SLC23A2: variants seen among roughly 807,000 people sequenced by gnomAD.
SLC23A2 encodes solute carrier family 23 member 2, also known as Na(+)/L-ascorbic acid transporter 2.
A neutral mutation model predicts 73.3 loss-of-function variants in SLC23A2; 36 were observed. The ratio of observed to expected loss-of-function variants is 0.49; its 90% CI spans 0.38 to 0.65. SLC23A2 has a LOEUF of 0.65. Among genes scored for constraint, SLC23A2 ranks in the 30% least tolerant of loss-of-function variants. The pLI, the probability that SLC23A2 is intolerant of heterozygous loss-of-function variation, is 0.00. For synonymous variants in SLC23A2, 343 were observed against 327.3 expected, an observed-to-expected ratio of 1.05 and a Z score of -0.52; for missense variants, 507 against 841.6, an observed-to-expected ratio of 0.60 and a Z score of 4.92.
intron 1 of SLC23A2, among the ~76,000 whole-genome samples, chr20:4,991,123 T>C (rs1159185844): frequency 6.6e-6 from 1 of 152,210 alleles, no homozygotes; most frequent in African/African-American, 2.4e-5. Context: ...TTCTTTGTTT[T>C]TGAGCAGGGT....
intron 3 of SLC23A2, 97 bp from the exon 4 acceptor site, chr20:4,913,075 G>T: frequency 1.3e-6 from 1 of 796,192 alleles, no homozygotes; most frequent in Non-Finnish European, 2.2e-6. Context: ...GCATGACCAG[G>T]CATGGTTTTG....
At position 4,852,993 on chromosome 20, in the gene SLC23A2, G is replaced by A. The variant is rs1929582228; in HGVS notation, c.*3979C>T. The A allele has an allele frequency of 6.6e-6, 1 of 152,506 alleles. No homozygotes were observed. The highest frequency in any genetic ancestry group is 1.5e-5 in the Non-Finnish European group (1 of 68,136). The allele number at this position is 152,506 out of a possible 1,614,324, so 9.4% of individuals were successfully genotyped here. On this transcript the variant is annotated 3_prime_UTR_variant, in exon 17 of 17. Coordinates refer to ENST00000338244, the MANE Select transcript of SLC23A2 (RefSeq NM_005116.6). The surrounding 1 kb of genome is among the most constrained non-coding windows in gnomAD (Gnocchi z 4.3). ...CGGGTGGCCGTTCTTGCACTACTCG[G>A]GTTCTGACTGCAGGAGGGGCAGAGG...
rs147713727 is a variant in SLC23A2, at chr20:4,862,511, T to C, written c.1486+267A>G. On this transcript the variant is annotated intron_variant, in intron 14 of 16. Transcript: ENST00000338244. The surrounding 1 kb of genome is among the most constrained non-coding windows in gnomAD (Gnocchi z 5.1). ...TTAAGTAGCCCATTCAGAGGGATGG[T>C]ATTTGAGTTAAATTGGTCAGAAATA... Among the ~76,000 whole-genome samples the C allele has an allele frequency of 5.6e-4, 86 of 152,320 alleles. No homozygotes were observed. The highest frequency in any genetic ancestry group is 2.0e-3 in the African/African-American group (84 of 41,586).
Position 4,883,522 on chromosome 20 carries a change from A to G in SLC23A2, c.824+120T>C, listed in dbSNP as rs1930974921. 1.3e-6 allele frequency: 1 copy of G among 768,572 alleles called. No homozygotes were observed. The highest frequency in any genetic ancestry group is 2.1e-6 in the Non-Finnish European group (1 of 481,794). The allele number at this position is 768,572 out of a possible 1,614,324, so 47.6% of individuals were successfully genotyped here. A position where few individuals can be genotyped will look rare whatever the true frequency, so the allele number is the denominator to read the frequency against. ...TTCAACTATTCCCCAGCACGAAGCA[A>G]ATAAAGTTGAAACTGTCAGACCATT... On this transcript the variant is annotated intron_variant, in intron 9 of 16. Coordinates refer to ENST00000338244, the MANE Select transcript of SLC23A2 (RefSeq NM_005116.6). The surrounding 1 kb of genome is among the most constrained non-coding windows in gnomAD (Gnocchi z 4.5).
At chr20:4,974,934 C>T (rs1205992039) in intron 1 of SLC23A2, among the ~76,000 whole-genome samples, 1 of 151,984 alleles carries the variant, frequency 6.6e-6, no homozygotes, top group Admixed American at 6.6e-5. Context: ...ATTGCAGGGC[C>T]CACCACCACA....
In SLC23A2 at chr20:4,868,072, ATTTTTTTTTTT is replaced by A. The variant is rs574379772; in HGVS notation, c.1251-208_1251-198del. 1.1e-5 allele frequency among the ~76,000 whole-genome samples: 1 copy of A among 94,418 alleles called. No individual in the cohort carries two copies. Among genetic ancestry groups the A allele is most frequent in the South Asian group, 3.5e-4 (1 of 2,824 alleles). 61.9% of individuals were successfully genotyped at this position (94,418 alleles called of 152,430 possible). A position where few individuals can be genotyped will look rare whatever the true frequency, so the allele number is the denominator to read the frequency against. On this transcript the variant is annotated intron_variant, in intron 12 of 16. Transcript: ENST00000338244. The surrounding 1 kb of genome is among the most constrained non-coding windows in gnomAD (Gnocchi z 4.4). The stretch of plus-strand genomic sequence containing the variant: ...CCTGCTGAAGCAGAAAAGAATCTGC[ATTTTTTTTTTT>A]TTTTTTTTTTTTTTTAGAGAGTGTC...
Position 4,883,429 on chromosome 20 carries a change from T to C in SLC23A2, c.824+213A>G, listed in dbSNP as rs1380471752. On this transcript the variant is annotated intron_variant, in intron 9 of 16. Coordinates refer to ENST00000338244, the MANE Select transcript of SLC23A2 (RefSeq NM_005116.6). The surrounding 1 kb of genome is among the most constrained non-coding windows in gnomAD (Gnocchi z 4.5). Reference sequence around the variant, plus strand: ...AAACTTACAATCCACCCTCTTCATATTGCTGCTAAGTCTGTCTTTGTAATA... The same window carrying C: ...AAACTTACAATCCACCCTCTTCATACTGCTGCTAAGTCTGTCTTTGTAATA... Among the ~76,000 whole-genome samples, 1 of 152,184 alleles carries C rather than the reference T, an allele frequency of 6.6e-6. No homozygotes were observed. Among genetic ancestry groups the C allele is most frequent in the African/African-American group, 2.4e-5 (1 of 41,448 alleles).
chr20:4,933,733 G>C (rs1384604293), intron 2 of SLC23A2, among the ~76,000 whole-genome samples: 2 of 152,128 alleles, frequency 1.3e-5, no homozygotes, highest in African/African-American at 4.8e-5. Context: ...TAAAGAAAAA[G>C]ATAATGCAAA....
At position 4,886,105 on chromosome 20, in the gene SLC23A2, A is replaced by G. The variant is rs4815753; in HGVS notation, c.483-196T>C. ...AGCCAGTGGCTTCTTCATCCTCCCC[A>G]TTGCCACTCTCCTCCCACCCAGGCA... On this transcript the variant is annotated intron_variant, in intron 6 of 16. Coordinates refer to ENST00000338244, the MANE Select transcript of SLC23A2 (RefSeq NM_005116.6). The G allele has an allele frequency of 1.2e-5, 6 of 502,506 alleles. No homozygotes were observed. In the Admixed American group the frequency reaches 1.8e-4, roughly 15 times the overall value. 31.1% of individuals were successfully genotyped at this position (502,506 alleles called of 1,614,324 possible).
At chr20:4,874,792 C>G in intron 9 of SLC23A2, 96 bp from the exon 10 acceptor site, 1 of 1,016,214 alleles carries the variant, frequency 9.8e-7, no homozygotes, top group Non-Finnish European at 1.4e-6. Flanking sequence ...ACATAGTGTT[C>G]AATTCATTTA....
At chr20:4,966,977 T>C (rs1383892504) in intron 2 of SLC23A2, among the ~76,000 whole-genome samples, 1 of 151,542 alleles carries the variant, frequency 6.6e-6, no homozygotes, top group African/African-American at 2.4e-5. Context: ...CACACAGAAC[T>C]GAGAGGAGGG....
intron 1 of SLC23A2, among the ~76,000 whole-genome samples, chr20:4,983,314 T>C (rs1185786076): frequency 6.6e-6 from 1 of 151,960 alleles, no homozygotes; most frequent in African/African-American, 2.4e-5. Flanking sequence ...AACAGACACA[T>C]AGAGACTTTA....
At chr20:4,948,679 C>T (rs542076915) in intron 2 of SLC23A2, among the ~76,000 whole-genome samples, 2 of 152,302 alleles carry the variant, frequency 1.3e-5, no homozygotes, top group Admixed American at 6.5e-5. Flanking sequence ...AAATGGGAGG[C>T]TTTAAATATT....
chr20:5,008,295 T>A (rs2122409523), intron 1 of SLC23A2, among the ~76,000 whole-genome samples: 1 of 152,182 alleles, frequency 6.6e-6, no homozygotes, highest in African/African-American at 2.4e-5. Flanking sequence ...TGAGACCTTG[T>A]CTCCCCCACA....
rs142435882 is a variant in SLC23A2, at chr20:4,864,096, G to T, written c.1357-1189C>A. Among the ~76,000 whole-genome samples the T allele has an allele frequency of 1.9e-3, 293 of 152,324 alleles. 3 individuals are homozygous for T. The highest frequency in any genetic ancestry group is 6.8e-3 in the Middle Eastern group (2 of 294). ...GCACTATGGGCCCCTACTCTGTGCT[G>T]CCTCTTGCAGGAAAACACCCTAAGG... On this transcript the variant is annotated intron_variant, in intron 13 of 16. Transcript: ENST00000338244.
intron 3 of SLC23A2, among the ~76,000 whole-genome samples, chr20:4,918,410 T>C (rs896428755): frequency 6.6e-6 from 1 of 152,232 alleles, no homozygotes; most frequent in African/African-American, 2.4e-5. Context: ...TGATTTTGTC[T>C]CCAATATGCA....
At chr20:4,886,606 T>G (rs1600100558) in intron 6 of SLC23A2, among the ~76,000 whole-genome samples, 1 of 152,350 alleles carries the variant, frequency 6.6e-6, no homozygotes, top group Non-Finnish European at 1.5e-5. Flanking sequence ...TTTGATTATA[T>G]TTTAGATACT....
intron 4 of SLC23A2, among the ~76,000 whole-genome samples, chr20:4,904,192 C>T (rs1931854206): frequency 6.6e-6 from 1 of 152,176 alleles, no homozygotes; most frequent in South Asian, 2.1e-4. Context: ...TCTGGAGGGG[C>T]TGGTGAGTAA....
At chr20:4,920,748 A>G (rs2122914206) in intron 3 of SLC23A2, among the ~76,000 whole-genome samples, 1 of 152,268 alleles carries the variant, frequency 6.6e-6, no homozygotes. Context: ...CTTCTACAAC[A>G]AAAACTGCTC....
Sources: gnomAD v4.1 joint callset for allele counts (sites outside exome capture counted in the v4.1 genomes callset) on GRCh38, gnomAD v4.1.1 for gene constraint, Gnocchi (gnomAD v3.1) non-coding constraint, MANE v1.5 for transcripts, NCBI Gene and HGNC (gene_info 2026-07-23, HGNC 2026-07-21) for gene names.